The following MELK variants were observed in gnomAD, a reference collection of about 807,000 sequenced individuals.
MELK encodes the protein maternal embryonic leucine zipper kinase.
Under a neutral mutation model 85.0 loss-of-function variants are expected in MELK, and 81 were observed. That is an observed-to-expected ratio of 0.95 (90% CI 0.80 to 1.15). The LOEUF is 1.15. MELK is among the 50% of genes most tolerant of loss of function. MELK has a pLI of 0.00. For missense variants in MELK, 754 were observed against 777.5 expected, an observed-to-expected ratio of 0.97 and a Z score of 0.36; for synonymous variants, 252 against 265.0, an observed-to-expected ratio of 0.95 and a Z score of 0.48.
At chr9:36,609,102 GT>G (rs1447752630) in intron 8 of MELK, among the ~76,000 whole-genome samples, 1 of 152,118 alleles carries the variant, frequency 6.6e-6, no homozygotes, top group Non-Finnish European at 1.5e-5. Context: ...GAGACAGAGA[GT>G]AGATAAGTTG....
chr9:36,588,656 C>T (rs1430283225), intron 3 of MELK, among the ~76,000 whole-genome samples: 2 of 151,994 alleles, frequency 1.3e-5, no homozygotes, highest in Non-Finnish European at 2.9e-5. Flanking sequence ...TGGGATTATA[C>T]GCGTGATCCA....
rs777895527 is a variant in MELK, at chr9:36,589,641, A to T, written c.250A>T (p.Met84Leu). Residue 84 changes from methionine to leucine, a missense_variant, in exon 4 of 18, where the codon ATG becomes TTG. Transcript: ENST00000298048. The stretch of plus-strand genomic sequence containing the variant: ...GCTAGAGACAGCCAACAAAATATTC[A>T]TGGTTCTTGAGGTTAGTAGTATGTT... ...HVLETANKIF[M>L]VLEYCPGGEL... is the part of the protein sequence containing the mutation. 6.2e-7 allele frequency: 1 copy of T among 1,608,082 alleles called. No individual in the cohort carries two copies. Among genetic ancestry groups the T allele is most frequent in the South Asian group, 1.1e-5 (1 of 90,972 alleles).
chr9:36,612,245 G>T (rs904508672), intron 8 of MELK, among the ~76,000 whole-genome samples: 2 of 151,686 alleles, frequency 1.3e-5, no homozygotes, highest in Non-Finnish European at 2.9e-5. Flanking sequence ...ACAATCATGC[G>T]CCACCGTGCC....
chr9:36,576,323 T>G lies in MELK; in HGVS notation c.-39+3316T>G, dbSNP rs79525782. On this transcript the variant is annotated intron_variant, in intron 1 of 17. Coordinates refer to ENST00000298048, the MANE Select transcript of MELK (RefSeq NM_014791.4). ...TTAAATGTTCAACCTACTTATTAAG[T>G]TGGGTCCAGTGTGATCTCTTCCTAG... Among the ~76,000 whole-genome samples the G allele has an allele frequency of 8.4e-3, 1,283 of 152,318 alleles. 26 individuals are homozygous for G. Among genetic ancestry groups the G allele is most frequent in the African/African-American group, 0.029 (1,193 of 41,566 alleles).
intron 8 of MELK, among the ~76,000 whole-genome samples, chr9:36,618,072 T>G (rs1827025379): frequency 1.3e-5 from 2 of 151,546 alleles, no homozygotes; most frequent in Non-Finnish European, 2.9e-5. Flanking sequence ...AACGCTGCAG[T>G]GAGCTATGAT....
intron 13 of MELK, among the ~76,000 whole-genome samples, chr9:36,659,512 G>A (rs993807003): frequency 6.6e-6 from 1 of 152,058 alleles, no homozygotes; most frequent in Non-Finnish European, 1.5e-5. Context: ...GTCAGTGTTG[G>A]GCTGCATTTA....
intron 10 of MELK, among the ~76,000 whole-genome samples, chr9:36,634,370 A>ATTTATT (rs1168176848): frequency 2.0e-5 from 3 of 152,200 alleles, no homozygotes; most frequent in Non-Finnish European, 4.4e-5. Flanking sequence ...CTAAATAACT[A>ATTTATT]TAGTTAGTCC....
chr9:36,632,786 T>A (rs1828764184), intron 9 of MELK, among the ~76,000 whole-genome samples: 1 of 152,234 alleles, frequency 6.6e-6, no homozygotes, highest in Non-Finnish European at 1.5e-5. Context: ...TTGGTGAATA[T>A]TTCCCGTGAA....
chr9:36,646,312 C>T (rs1830211610), intron 11 of MELK, among the ~76,000 whole-genome samples: 1 of 152,140 alleles, frequency 6.6e-6, no homozygotes, highest in Non-Finnish European at 1.5e-5. Flanking sequence ...AGAGCTCTGC[C>T]TTCACTTTTG....
intron 12 of MELK, among the ~76,000 whole-genome samples, chr9:36,656,026 A>C (rs929654882): frequency 1.3e-5 from 2 of 152,164 alleles, no homozygotes; most frequent in Non-Finnish European, 2.9e-5. Context: ...AAGGAAGGAG[A>C]AATAAAAACT....
chr9:36,606,535 AATATATACAT>A (rs1217525055), intron 7 of MELK, among the ~76,000 whole-genome samples: 9 of 135,002 alleles, frequency 6.7e-5, no homozygotes, highest in Admixed American at 3.0e-4. Flanking sequence ...TATAATATAT[AATATATACAT>A]ATGTATAGGT....
chr9:36,574,569 C>T (rs997321832), intron 1 of MELK, among the ~76,000 whole-genome samples: 1 of 151,868 alleles, frequency 6.6e-6, no homozygotes, highest in East Asian at 2.0e-4. Flanking sequence ...AGCTACTGCA[C>T]TCCAGCCTAG....
chr9:36,596,563 GTTTTT>G (rs750016508), intron 5 of MELK, among the ~76,000 whole-genome samples: 1 of 106,134 alleles, frequency 9.4e-6, no homozygotes, highest in African/African-American at 5.1e-5. Flanking sequence ...GGCCCTTTTT[GTTTTT>G]TTTGTTTTTT....
chr9:36,657,049 G>A (rs1320467485), intron 12 of MELK, among the ~76,000 whole-genome samples, 192 bp from the exon 13 acceptor site: 2 of 152,210 alleles, frequency 1.3e-5, no homozygotes, highest in African/African-American at 2.4e-5. Flanking sequence ...TACAGCCTAG[G>A]TGTGGCCTAG....
chr9:36,629,451 A>C (rs1336922847), intron 8 of MELK, among the ~76,000 whole-genome samples: 1 of 152,138 alleles, frequency 6.6e-6, no homozygotes, highest in Non-Finnish European at 1.5e-5. Context: ...GGTTGTATAC[A>C]TTTGCCTTCT....
intron 14 of MELK, among the ~76,000 whole-genome samples, chr9:36,666,151 C>T (rs903456409): frequency 6.6e-6 from 1 of 152,200 alleles, no homozygotes; most frequent in Non-Finnish European, 1.5e-5. Flanking sequence ...CCCTTGGTTT[C>T]CTCTTCAATT....
chr9:36,657,107 A>G, intron 12 of MELK, 134 bp from the exon 13 acceptor site: 2 of 1,018,810 alleles, frequency 2.0e-6, no homozygotes, highest in Non-Finnish European at 1.4e-6. Flanking sequence ...ACATTTTATG[A>G]TGTTCACACA....
At chr9:36,578,206 T>TA (rs754870861) in intron 1 of MELK, among the ~76,000 whole-genome samples, 1 of 151,724 alleles carries the variant, frequency 6.6e-6, no homozygotes, top group Non-Finnish European at 1.5e-5. Flanking sequence ...TTACAACTGT[T>TA]ACTGATTTTG....
chr9:36,594,343 A>G (rs1418412690), intron 4 of MELK, among the ~76,000 whole-genome samples: 1 of 152,228 alleles, frequency 6.6e-6, no homozygotes, highest in Non-Finnish European at 1.5e-5. Context: ...TTGCTATAAA[A>G]ATATAAAACC....
Sources: allele counts gnomAD v4.1 joint callset (sites outside exome capture counted in the v4.1 genomes callset), GRCh38; gene constraint gnomAD v4.1.1; transcripts MANE v1.5; gene names NCBI Gene and HGNC (gene_info 2026-07-23, HGNC 2026-07-21).